The following UBR3 variants were observed in gnomAD, a reference collection of about 807,000 sequenced individuals.
The protein encoded by UBR3 is ubiquitin protein ligase E3 component n-recognin 3.
Under a neutral mutation model 243.2 loss-of-function variants are expected in UBR3, and 85 were observed. The observed-to-expected ratio is 0.35, with a 90% CI of 0.29 to 0.42. UBR3 has a LOEUF of 0.42. Ranked by LOEUF, UBR3 falls within the 10% of genes least tolerant of loss-of-function variation. The probability of loss-of-function intolerance (pLI) is 1.00; values close to 1 mark genes in which losing one functional copy is unlikely to be tolerated. For missense variants in UBR3, 1,686 were observed against 2,300.8 expected (o/e 0.73, Z 5.47); for synonymous variants, 748 against 799.8 (o/e 0.94, Z 1.09).
chr2:170,042,939 T>G (rs2091003694), intron 32 of UBR3, among the ~76,000 whole-genome samples: 1 of 152,080 alleles, frequency 6.6e-6, no homozygotes, highest in African/African-American at 2.4e-5. Context: ...TTAATCTCTT[T>G]GTAAAATTAG....
chr2:170,045,475 A>G (rs2091061674), intron 32 of UBR3, among the ~76,000 whole-genome samples: 2 of 152,182 alleles, frequency 1.3e-5, no homozygotes, highest in South Asian at 4.1e-4. Context: ...CATGCTGTAT[A>G]GAATACAGAC....
rs543653018 is a variant in UBR3, at chr2:170,065,212, G to A, written c.5019+3769G>A. 7.9e-5 allele frequency among the ~76,000 whole-genome samples: 12 copies of A among 152,206 alleles called. No individual in the cohort carries two copies. In the South Asian group the frequency reaches 1.0e-3, roughly 13 times the overall value. On this transcript the variant is annotated intron_variant, in intron 35 of 38. Coordinates refer to ENST00000272793, the MANE Select transcript of UBR3 (RefSeq NM_172070.4). ...CCCAAATCCTACAAGATTTTGGTTT[G>A]GAATTATCTTCAATTTATAGTTTTA... is the stretch of plus-strand genomic sequence containing the variant.
chr2:169,967,461 C>T (rs2087875608), intron 24 of UBR3, among the ~76,000 whole-genome samples: 1 of 152,046 alleles, frequency 6.6e-6, no homozygotes, highest in Non-Finnish European at 1.5e-5. Flanking sequence ...TTCCAATAGA[C>T]ACAGCAAAAA....
intron 10 of UBR3, among the ~76,000 whole-genome samples, chr2:169,910,544 A>G (rs1311710620): frequency 6.6e-6 from 1 of 152,122 alleles, no homozygotes; most frequent in Non-Finnish European, 1.5e-5. Flanking sequence ...AGTATGATTC[A>G]CCTAATCTAT....
chr2:169,885,793 G>T (rs1023672759), intron 5 of UBR3, among the ~76,000 whole-genome samples: 3 of 152,108 alleles, frequency 2.0e-5, no homozygotes, highest in African/African-American at 7.2e-5. Context: ...GTGAACAACA[G>T]CTTTCCAAAA....
chr2:169,927,068 A>G, intron 16 of UBR3, 97 bp downstream of exon 16: 1 of 1,332,446 alleles, frequency 7.5e-7, no homozygotes, highest in Non-Finnish European at 1.0e-6. Flanking sequence ...AAAGGAAAGG[A>G]TGTAGATAAA....
rs765850608 is a variant in UBR3, at chr2:170,080,607, C to T, written c.5472C>T (p.Ile1824=). 9.3e-6 allele frequency: 15 copies of T among 1,613,976 alleles called. No homozygotes were observed. The highest frequency in any genetic ancestry group is 1.3e-5 in the Non-Finnish European group (15 of 1,179,944). Residue 1824 remains isoleucine (I), a synonymous_variant, in exon 38 of 39, where the codon ATC becomes ATT. Transcript: ENST00000272793. ...TTTTGATCAATGCATCGGTAATTAT[C>T]ATCATTCGAGGTCACCGCTTCTGCC... ...IFLLINASVI[I]IIRGHRFCLW...
intron 25 of UBR3, among the ~76,000 whole-genome samples, chr2:169,988,748 G>C (rs1212017790): frequency 3.9e-5 from 6 of 152,156 alleles, no homozygotes; most frequent in Non-Finnish European, 8.8e-5. Flanking sequence ...GTTGCAGTGA[G>C]CTGAGATTGC....
Position 169,957,421 on chromosome 2 carries a change from A to G in UBR3, c.3546-1017A>G, listed in dbSNP as rs576142226. 2.0e-5 allele frequency among the ~76,000 whole-genome samples: 3 copies of G among 152,256 alleles called. No individual in the cohort carries two copies. The East Asian group carries it at 5.8e-4, about 29-fold the overall frequency. ...GTTCATGTCCTTCGTAGGGACATGG[A>G]TGAAGCTGGAAACCGTCATTCTGAC... is the stretch of plus-strand genomic sequence containing the variant. On this transcript the variant is annotated intron_variant, in intron 23 of 38. Transcript: ENST00000272793.
chr2:170,081,866 G>T lies in UBR3; in HGVS notation c.*23G>T. 7.0e-7 allele frequency: 1 copy of T among 1,429,264 alleles called. No homozygotes were observed. The highest frequency in any genetic ancestry group is 9.5e-7 in the Non-Finnish European group (1 of 1,054,708). 88.5% of individuals were successfully genotyped at this position (1,429,264 alleles called of 1,614,324 possible). ...TGACTCTCCACCTCAGCATTGCATC[G>T]TATCATCATTTTCGCTACGAATTTA... is the stretch of plus-strand genomic sequence containing the variant. On this transcript the variant is annotated 3_prime_UTR_variant, in exon 39 of 39. Coordinates refer to ENST00000272793, the MANE Select transcript of UBR3 (RefSeq NM_172070.4).
At chr2:169,887,428 G>A (rs2084145938) in intron 5 of UBR3, among the ~76,000 whole-genome samples, 1 of 152,172 alleles carries the variant, frequency 6.6e-6, no homozygotes, top group Non-Finnish European at 1.5e-5. Flanking sequence ...GGAGGAATGG[G>A]AAATTGTGGT....
At chr2:169,907,834 C>T (rs2085078138) in intron 10 of UBR3, among the ~76,000 whole-genome samples, 1 of 151,660 alleles carries the variant, frequency 6.6e-6, no homozygotes. Context: ...GGCTGGAGTG[C>T]GAACTCAGCT....
intron 28 of UBR3, 44 bp downstream of exon 28, chr2:170,007,234 C>G: frequency 4.6e-6 from 7 of 1,529,828 alleles, no homozygotes; most frequent in Non-Finnish European, 6.2e-6. Context: ...TAACTCAGCT[C>G]TGATTTTCTG....
chr2:169,871,713 A>C (rs1210741511), intron 1 of UBR3, among the ~76,000 whole-genome samples: 1 of 139,836 alleles, frequency 7.2e-6, no homozygotes, highest in Non-Finnish European at 1.5e-5. Flanking sequence ...GTGCCACTGC[A>C]CTCCAGCCTG....
chr2:169,977,825 C>A (rs983915494), intron 24 of UBR3, among the ~76,000 whole-genome samples: 1 of 152,180 alleles, frequency 6.6e-6, no homozygotes, highest in Non-Finnish European at 1.5e-5. Context: ...AAATTGACAC[C>A]TCGTATTAGC....
chr2:170,028,511 T>G (rs2090587980), intron 30 of UBR3, among the ~76,000 whole-genome samples: 1 of 151,820 alleles, frequency 6.6e-6, no homozygotes, highest in South Asian at 2.1e-4. Flanking sequence ...TTGTAAAATA[T>G]GACTTTTGAT....
At position 169,958,407 on chromosome 2, in the gene UBR3, A is replaced by T. The variant is rs369753405; in HGVS notation, c.3546-31A>T. ...AGTAGCTAGGTCTTAAGCGCATCTG[A>T]TACTTAAAACTTTATTTCTGTTTAA... On this transcript the variant is annotated intron_variant, in intron 23 of 38. Transcript: ENST00000272793. The T allele has an allele frequency of 7.9e-4, 1,269 of 1,603,334 alleles. 2 individuals are homozygous for T. The highest frequency in any genetic ancestry group is 1.0e-3 in the Non-Finnish European group (1,218 of 1,172,810).
chr2:169,958,590 T>C, intron 24 of UBR3, 64 bp downstream of exon 24: 1 of 1,406,560 alleles, frequency 7.1e-7, no homozygotes, highest in Non-Finnish European at 9.9e-7. Flanking sequence ...GATGATGTAG[T>C]CCAGTCTTTT....
intron 31 of UBR3, among the ~76,000 whole-genome samples, chr2:170,036,087 A>G (rs577062850): frequency 6.6e-6 from 1 of 152,106 alleles, no homozygotes; most frequent in South Asian, 2.1e-4. Context: ...GATTTTCTAC[A>G]TAGACGACCA....
Sources: allele counts gnomAD v4.1 joint callset (sites outside exome capture counted in the v4.1 genomes callset), GRCh38; gene constraint gnomAD v4.1.1; transcripts MANE v1.5; gene names NCBI Gene and HGNC (gene_info 2026-07-23, HGNC 2026-07-21).